Variants in COL19A1 observed in about 807,000 individuals in gnomAD.
The protein encoded by COL19A1 is collagen alpha-1(XIX) chain.
COL19A1 carries 159 observed loss-of-function variants against 190.2 expected under a neutral mutation model. That is an observed-to-expected ratio of 0.84 (90% confidence interval 0.73 to 0.95). The LOEUF (loss-of-function observed/expected upper bound fraction) is 0.95, where lower values mean the gene tolerates loss of function less well. Ranked by LOEUF, COL19A1 falls within the 40% of genes least tolerant of loss-of-function variation. COL19A1 has a pLI of 0.00. For missense variants in COL19A1, 1,418 were observed against 1,431.9 expected (o/e 0.99, Z 0.16); for synonymous variants, 509 against 458.9 (o/e 1.11, Z -1.39).
chr6:70,008,135 G>A (rs1338766737), intron 11 of COL19A1, among the ~76,000 whole-genome samples: 1 of 151,522 alleles, frequency 6.6e-6, no homozygotes, highest in Non-Finnish European at 1.5e-5. Context: ...ATGGAAAAAA[G>A]AGCATATCAA....
chr6:70,147,863 A>C (rs529127160), intron 27 of COL19A1, among the ~76,000 whole-genome samples: 1 of 152,278 alleles, frequency 6.6e-6, no homozygotes, highest in East Asian at 1.9e-4. Context: ...GGGAGCTTCC[A>C]TGACCCCCAC....
intron 25 of COL19A1, 68 bp from the exon 26 acceptor site, chr6:70,146,591 G>C (rs1786663584): frequency 1.7e-6 from 2 of 1,197,814 alleles, no homozygotes; most frequent in East Asian, 5.1e-5. Context: ...ACATATTTTA[G>C]TTATAACTTC....
chr6:70,148,830 G>A (rs2025285), intron 27 of COL19A1, among the ~76,000 whole-genome samples: 71,817 of 151,546 alleles, frequency 0.47, 17,486 homozygotes, highest in African/African-American at 0.57. Flanking sequence ...AAGAGACTGA[G>A]GCAGGAGAAT....
chr6:69,870,982 T>A (rs1202033488), intron 1 of COL19A1, among the ~76,000 whole-genome samples: 2 of 152,196 alleles, frequency 1.3e-5, no homozygotes, highest in African/African-American at 4.8e-5. Context: ...AAATTAATGA[T>A]GATGCCTGTA....
chr6:69,936,673 A>G, intron 7 of COL19A1, 112 bp from the exon 8 acceptor site: 7 of 1,374,366 alleles, frequency 5.1e-6, no homozygotes, highest in Non-Finnish European at 7.0e-6. Context: ...GTTAGTAAGA[A>G]GCAGTTCTTG....
intron 4 of COL19A1, 65 bp downstream of exon 4, chr6:69,900,403 C>CAAA (rs1254610812): frequency 1.4e-5 from 12 of 881,078 alleles, no homozygotes; most frequent in Admixed American, 6.5e-5. Flanking sequence ...AAAGAGATTT[C>CAAA]AAATAATTTG....
At chr6:70,088,612 T>C (rs1338210784) in intron 15 of COL19A1, among the ~76,000 whole-genome samples, 1 of 152,160 alleles carries the variant, frequency 6.6e-6, no homozygotes, top group Non-Finnish European at 1.5e-5. Flanking sequence ...TTATAATTCT[T>C]GAAAATACTG....
chr6:70,106,946 G>C (rs1250920813), intron 16 of COL19A1, among the ~76,000 whole-genome samples: 1 of 152,232 alleles, frequency 6.6e-6, no homozygotes, highest in Admixed American at 6.5e-5. Flanking sequence ...TCAGAGGAAA[G>C]AGGGATGAAG....
At chr6:69,929,768 C>T (rs1772634526) in intron 6 of COL19A1, 68 bp downstream of exon 6, 2 of 1,431,134 alleles carry the variant, frequency 1.4e-6, no homozygotes, top group African/African-American at 1.5e-5. Flanking sequence ...TTATTAAAAA[C>T]ATTCTTCTTT....
intron 15 of COL19A1, among the ~76,000 whole-genome samples, chr6:70,082,705 C>T (rs1187750955): frequency 1.3e-5 from 2 of 152,188 alleles, no homozygotes; most frequent in East Asian, 1.9e-4. Flanking sequence ...GCCACCACGC[C>T]CAGCCAATGA....
chr6:70,001,919 A>T (rs1371717869), intron 11 of COL19A1, among the ~76,000 whole-genome samples: 1 of 152,140 alleles, frequency 6.6e-6, no homozygotes, highest in African/African-American at 2.4e-5. Context: ...AGGAGTTGTG[A>T]GAGAGGGCAT....
At chr6:70,063,163 A>T (rs201619034) in intron 14 of COL19A1, among the ~76,000 whole-genome samples, 5 of 152,186 alleles carry the variant, frequency 3.3e-5, no homozygotes, top group Non-Finnish European at 7.3e-5. Context: ...TCCACCCCAA[A>T]TCAACAGAAT....
chr6:69,885,188 C>T (rs1388228785), intron 2 of COL19A1, among the ~76,000 whole-genome samples: 3 of 152,120 alleles, frequency 2.0e-5, no homozygotes, highest in African/African-American at 7.2e-5. Context: ...CAGTACCCCC[C>T]ACCACCTCTG....
Position 70,149,730 on chromosome 6 carries a change from A to T in COL19A1, c.1920A>T (p.Pro640=). 1 of 1,613,650 alleles carries T rather than the reference A, an allele frequency of 6.2e-7. No individual in the cohort carries two copies. Among genetic ancestry groups the T allele is most frequent in the Non-Finnish European group, 8.5e-7 (1 of 1,179,746 alleles). Residue 640 remains proline, a synonymous_variant, in exon 28 of 51, where the codon CCA becomes CCT. Coordinates refer to ENST00000620364, the MANE Select transcript of COL19A1 (RefSeq NM_001858.6). ...RTGAQGPAGE[P]GIQGPRGLPG... is the part of the protein sequence containing the mutation. ...GCGCCCAAGGACCAGCTGGAGAGCCAGGTATTCAGGTAAGCTATTTAACTA... is the reference window on the plus strand; with the variant it reads ...GCGCCCAAGGACCAGCTGGAGAGCCTGGTATTCAGGTAAGCTATTTAACTA...
intron 2 of COL19A1, among the ~76,000 whole-genome samples, chr6:69,882,734 AACT>A (rs1768646293): frequency 1.3e-5 from 2 of 152,344 alleles, no homozygotes; most frequent in African/African-American, 4.8e-5. Flanking sequence ...TTAGGCCTGT[AACT>A]ATTCATATAA....
At chr6:70,181,580 C>T (rs1328379406) in intron 44 of COL19A1, among the ~76,000 whole-genome samples, 5 of 151,856 alleles carry the variant, frequency 3.3e-5, no homozygotes, top group Admixed American at 2.6e-4. Context: ...TTGAGCACCT[C>T]CTACATGCTA....
At chr6:70,061,551 GT>G (rs1157998933) in intron 14 of COL19A1, among the ~76,000 whole-genome samples, 1 of 152,016 alleles carries the variant, frequency 6.6e-6, no homozygotes, top group Non-Finnish European at 1.5e-5. Flanking sequence ...TTTTGCGTTT[GT>G]TAAATACATT....
At chr6:69,880,897 G>A (rs1768503805) in intron 2 of COL19A1, among the ~76,000 whole-genome samples, 1 of 152,202 alleles carries the variant, frequency 6.6e-6, no homozygotes, top group Non-Finnish European at 1.5e-5. Context: ...AAGAAATATA[G>A]TAGGTAATGT....
chr6:69,909,200 A>G (rs1363800732), intron 4 of COL19A1, among the ~76,000 whole-genome samples: 1 of 152,124 alleles, frequency 6.6e-6, no homozygotes, highest in Non-Finnish European at 1.5e-5. Context: ...CTTTCTAAGG[A>G]AAAGAGGGTA....
Sources: allele counts gnomAD v4.1 joint callset (sites outside exome capture counted in the v4.1 genomes callset), GRCh38; gene constraint gnomAD v4.1.1; transcripts MANE v1.5; gene names NCBI Gene and HGNC (gene_info 2026-07-23, HGNC 2026-07-21).